AUTS2: variants seen among roughly 807,000 people sequenced by gnomAD.
AUTS2 encodes the protein autism susceptibility gene 2 protein.
A neutral mutation model predicts 112.4 loss-of-function variants in AUTS2; 17 were observed. That is an observed-to-expected ratio of 0.15 (90% CI 0.10 to 0.23). The LOEUF (loss-of-function observed/expected upper bound fraction) is 0.23, where lower values mean the gene tolerates loss of function less well. Among genes scored for constraint, AUTS2 ranks in the 10% least tolerant of loss-of-function variants. The pLI is 1.00. For synonymous variants in AUTS2, 751 were observed against 702.7 expected (o/e 1.07, Z -1.09); for missense variants, 1,510 against 1,701.6 (o/e 0.89, Z 1.98).
intron 2 of AUTS2, among the ~76,000 whole-genome samples, chr7:69,970,352 A>G (rs775320550): frequency 2.6e-5 from 4 of 152,154 alleles, no homozygotes; most frequent in Non-Finnish European, 1.5e-5. Flanking sequence ...TTTCTGAGGT[A>G]TATATTTAAT....
intron 4 of AUTS2, among the ~76,000 whole-genome samples, chr7:70,233,195 G>T (rs1007799436): frequency 3.9e-5 from 6 of 152,072 alleles, no homozygotes; most frequent in African/African-American, 1.4e-4. Flanking sequence ...AATCCCTCTT[G>T]TAGAAACTTG....
At chr7:70,061,504 A>G (rs760800699) in intron 2 of AUTS2, among the ~76,000 whole-genome samples, 6 of 152,362 alleles carry the variant, frequency 3.9e-5, no homozygotes, top group Non-Finnish European at 7.3e-5. Flanking sequence ...CAACATGACC[A>G]CAATAAATAA....
At chr7:70,237,207 A>C (rs1365660807) in intron 4 of AUTS2, among the ~76,000 whole-genome samples, 1 of 152,082 alleles carries the variant, frequency 6.6e-6, no homozygotes, top group East Asian at 1.9e-4. Context: ...AAAATATTGC[A>C]TTTTTCAAAG....
intron 6 of AUTS2, among the ~76,000 whole-genome samples, chr7:70,757,936 C>G (rs1447310190): frequency 6.8e-6 from 1 of 147,604 alleles, no homozygotes; most frequent in Non-Finnish European, 1.5e-5. Context: ...CAGACACCAC[C>G]ACACCTGGCT....
At chr7:70,131,845 A>G (rs577418553) in intron 3 of AUTS2, among the ~76,000 whole-genome samples, 4 of 152,068 alleles carry the variant, frequency 2.6e-5, no homozygotes, top group Non-Finnish European at 5.9e-5. Flanking sequence ...TTCTGTTACC[A>G]ATACTTTAAT....
chr7:70,714,976 A>G (rs59839399), intron 6 of AUTS2, among the ~76,000 whole-genome samples: 17,622 of 152,224 alleles, frequency 0.12, 1,613 homozygotes, highest in East Asian at 0.44. Flanking sequence ...GGTCTCATCT[A>G]TTGATGATGC....
intron 5 of AUTS2, among the ~76,000 whole-genome samples, chr7:70,468,809 A>G (rs1797265863): frequency 1.3e-5 from 2 of 151,954 alleles, no homozygotes; most frequent in South Asian, 4.2e-4. Context: ...CTTACTAGGC[A>G]GTTACCAAAA....
At chr7:70,767,959 C>T in intron 9 of AUTS2, 65 bp from the exon 10 acceptor site, 1 of 1,522,534 alleles carries the variant, frequency 6.6e-7, no homozygotes, top group Non-Finnish European at 9.1e-7. Context: ...GTAGGGCCAC[C>T]TCCACTGTAG....
chr7:70,064,548 C>T (rs1234394679), intron 2 of AUTS2, among the ~76,000 whole-genome samples: 2 of 152,158 alleles, frequency 1.3e-5, no homozygotes, highest in Non-Finnish European at 2.9e-5. Context: ...TCCTGAGGGC[C>T]AAGGTCTAGG....
At chr7:70,669,916 G>A (rs530959620) in intron 5 of AUTS2, among the ~76,000 whole-genome samples, 6 of 152,208 alleles carry the variant, frequency 3.9e-5, no homozygotes, top group Admixed American at 2.0e-4. Context: ...AGGAGCCAGG[G>A]TTAAACAGGG....
intron 3 of AUTS2, among the ~76,000 whole-genome samples, chr7:70,126,358 G>T (rs750793400): frequency 6.6e-6 from 1 of 152,094 alleles, no homozygotes; most frequent in Non-Finnish European, 1.5e-5. Context: ...GCAGTGAGCC[G>T]AGATTGTGCC....
Position 70,790,828 on chromosome 7 carries a change from G to C in AUTS2, c.3612G>C (p.Gln1204His). 6.2e-7 allele frequency: 1 copy of C among 1,607,284 alleles called. No individual in the cohort carries two copies. Among genetic ancestry groups the C allele is most frequent in the Non-Finnish European group, 8.5e-7 (1 of 1,176,288 alleles). Residue 1204 changes from glutamine (Q) to histidine (H), a missense_variant, in exon 19 of 19, where the codon CAG (glutamine) becomes CAC (histidine). Physicochemically the swap from Gln to His is conservative, Grantham distance 24. This residue lies in a region of AUTS2 where 788 missense variants were observed against 797.6 expected (regional missense o/e 0.99). Transcript: ENST00000342771. The surrounding 1 kb of genome is among the most constrained non-coding windows in gnomAD (Gnocchi z 7.6). ...GCATCAGCCCCACCGCGGGCAACCA[G>C]AACGGACTCCTCAACAAGACCCCTC... is the stretch of plus-strand genomic sequence containing the variant. ...YPRISPTAGN[Q>H]NGLLNKTPPT...
chr7:70,706,954 A>G (rs1809772532), intron 6 of AUTS2, among the ~76,000 whole-genome samples: 1 of 152,230 alleles, frequency 6.6e-6, no homozygotes, highest in Non-Finnish European at 1.5e-5. Context: ...TTTGAATCTC[A>G]GTGCTTTGAA....
intron 1 of AUTS2, among the ~76,000 whole-genome samples, chr7:69,768,585 A>G (rs1788529964): frequency 6.6e-6 from 1 of 152,212 alleles, no homozygotes; most frequent in East Asian, 1.9e-4. Context: ...AAGAGTGAGC[A>G]GGAAAACCTT....
At chr7:69,723,866 CT>C (rs1786367235) in intron 1 of AUTS2, among the ~76,000 whole-genome samples, 1 of 152,160 alleles carries the variant, frequency 6.6e-6, no homozygotes, top group Non-Finnish European at 1.5e-5. Flanking sequence ...GATGAGTAGT[CT>C]TAGTCTGCCT....
At chr7:70,009,214 C>G (rs1449860451) in intron 2 of AUTS2, among the ~76,000 whole-genome samples, 2 of 152,124 alleles carry the variant, frequency 1.3e-5, no homozygotes, top group East Asian at 3.9e-4. Flanking sequence ...ACAACCCACT[C>G]TCGCAATAAC....
At chr7:70,357,082 C>T (rs1585052419) in intron 4 of AUTS2, among the ~76,000 whole-genome samples, 1 of 152,124 alleles carries the variant, frequency 6.6e-6, no homozygotes, top group Non-Finnish European at 1.5e-5. Flanking sequence ...GAGGGGATCC[C>T]AGGTAGTTGG....
intron 5 of AUTS2, among the ~76,000 whole-genome samples, chr7:70,661,230 A>G (rs1321523611): frequency 1.3e-5 from 2 of 152,076 alleles, no homozygotes; most frequent in Non-Finnish European, 2.9e-5. Flanking sequence ...GAAGAAACAC[A>G]AACTCTCCCT....
chr7:69,898,688 C>G (rs1032238633), intron 1 of AUTS2, among the ~76,000 whole-genome samples: 1 of 152,088 alleles, frequency 6.6e-6, no homozygotes, highest in Non-Finnish European at 1.5e-5. Flanking sequence ...TTAAAAGTTG[C>G]TGTTGATCTT....
Sources: allele counts gnomAD v4.1 joint callset (sites outside exome capture counted in the v4.1 genomes callset), GRCh38; gene constraint gnomAD v4.1.1; regional missense constraint gnomAD v4.1.1; non-coding constraint Gnocchi (gnomAD v3.1); transcripts MANE v1.5; gene names NCBI Gene and HGNC (gene_info 2026-07-23, HGNC 2026-07-21).